The following PPP2R1B variants were observed in gnomAD, a reference collection of about 807,000 sequenced individuals.
The protein encoded by PPP2R1B is serine/threonine-protein phosphatase 2A 65 kDa regulatory subunit A beta isoform.
In PPP2R1B, 58 loss-of-function variants were observed where a neutral mutation model predicts 72.7. That is an observed-to-expected ratio of 0.80 (90% confidence interval 0.65 to 0.99). PPP2R1B has a LOEUF of 0.99. Among genes scored for constraint, PPP2R1B ranks in the 50% least tolerant of loss-of-function variants. The probability of loss-of-function intolerance (pLI) is 0.00; values close to 1 mark genes in which losing one functional copy is unlikely to be tolerated. For missense variants in PPP2R1B, 695 were observed against 733.6 expected (o/e 0.95, Z 0.61); for synonymous variants, 256 against 264.6 (o/e 0.97, Z 0.32).
At chr11:111,694,940 T>C in the PPP2R1B span, among the ~76,000 whole-genome samples, 1 of 152,236 alleles carries the variant, frequency 6.6e-6, no homozygotes, top group African/African-American at 2.4e-5. Context: ...TCATCTCAAC[T>C]GTGATGATTG....
At position 111,759,860 on chromosome 11, in the gene PPP2R1B, C is replaced by T. The variant is rs782660463; in HGVS notation, c.631G>A (p.Asp211Asn). The change falls in exon 5 of 15, where the codon GAC becomes AAC. Residue 211 changes from aspartate (D) to asparagine (N), a missense_variant. Transcript: ENST00000527614. Reference sequence around the variant, plus strand: ...GGAACAATTTCACTTTTCACACTGTCTAATTCCAAAACTTTTGCAAATTCA... The same window carrying T: ...GGAACAATTTCACTTTTCACACTGTTTAATTCCAAAACTTTTGCAAATTCA... ...LGEFAKVLEL[D>N]SVKSEIVPLF... is the part of the protein sequence containing the mutation. The T allele has an allele frequency of 6.2e-7, 1 of 1,614,182 alleles. No individual in the cohort carries two copies. The highest frequency in any genetic ancestry group is 8.5e-7 in the Non-Finnish European group (1 of 1,180,026).
At chr11:111,756,396 AC>A (rs782252395) in intron 5 of PPP2R1B, among the ~76,000 whole-genome samples, 21 of 152,082 alleles carry the variant, frequency 1.4e-4, no homozygotes, top group Middle Eastern at 3.4e-3. Flanking sequence ...GAAAAAAAAA[AC>A]ATTTTAATGA....
At chr11:111,761,720 A>ATC (rs1945335959) in intron 3 of PPP2R1B, among the ~76,000 whole-genome samples, 1 of 152,224 alleles carries the variant, frequency 6.6e-6, no homozygotes, top group Non-Finnish European at 1.5e-5. Flanking sequence ...AGCCGTCGGG[A>ATC]GGCCGAGGTG....
chr11:111,749,556 A>T (rs1944826583), intron 10 of PPP2R1B, among the ~76,000 whole-genome samples: 2 of 152,164 alleles, frequency 1.3e-5, no homozygotes, highest in African/African-American at 4.8e-5. Context: ...AAGTGCTGGG[A>T]TTACAAGCGT....
At chr11:111,730,905 C>G (rs1464840344) in intron 15 of PPP2R1B, 1 of 152,148 alleles carries the variant, frequency 6.6e-6, no homozygotes, top group East Asian at 1.9e-4. Flanking sequence ...TTTGCCTCAT[C>G]GGGCCTTGGG....
chr11:111,758,515 G>A (rs375222427), intron 5 of PPP2R1B, among the ~76,000 whole-genome samples: 105 of 152,198 alleles, frequency 6.9e-4, no homozygotes, highest in African/African-American at 2.2e-3. Context: ...GCTTGAACCC[G>A]GGAGGCAGAG....
At chr11:111,705,280 A>G in the PPP2R1B span, 19 of 824,074 alleles carry the variant, frequency 2.3e-5, no homozygotes, top group Non-Finnish European at 3.0e-5. This position sits in a 1 kb window ranked among gnomAD's most constrained non-coding sequence, Gnocchi z 4.3. Flanking sequence ...CATTCACTAG[A>G]TTCTCAAATG....
At chr11:111,743,571 G>A in intron 11 of PPP2R1B, 41 bp from the exon 12 acceptor site, 3 of 1,571,766 alleles carry the variant, frequency 1.9e-6, no homozygotes, top group Non-Finnish European at 2.6e-6. Flanking sequence ...ATCGCTTATT[G>A]TTTTTTAAGC....
At chr11:111,700,193 G>A in the PPP2R1B span, among the ~76,000 whole-genome samples, 1 of 152,182 alleles carries the variant, frequency 6.6e-6, no homozygotes, top group Non-Finnish European at 1.5e-5. Context: ...AAACTGTAGA[G>A]TCAGTATGGC....
At chr11:111,743,632 C>G in intron 11 of PPP2R1B, 102 bp from the exon 12 acceptor site, 6 of 1,353,146 alleles carry the variant, frequency 4.4e-6, no homozygotes, top group Non-Finnish European at 6.0e-6. Flanking sequence ...AAGCAAAACC[C>G]CTCTGCAATC....
intron 15 of PPP2R1B, chr11:111,730,529 A>ATGTT (rs1944152896): frequency 6.6e-6 from 1 of 152,196 alleles, no homozygotes; most frequent in African/African-American, 2.4e-5. Flanking sequence ...GTTTTGCTGG[A>ATGTT]TGTTTGGTCT....
intron 12 of PPP2R1B, among the ~76,000 whole-genome samples, chr11:111,742,950 G>A (rs529477652): frequency 6.6e-6 from 1 of 151,526 alleles, no homozygotes; most frequent in Non-Finnish European, 1.5e-5. Flanking sequence ...CGCGATCTCA[G>A]CTCACTGCAA....
downstream of PPP2R1B, among the ~76,000 whole-genome samples, chr11:111,723,110 C>T (rs970938807): frequency 6.6e-6 from 1 of 152,162 alleles, no homozygotes; most frequent in Admixed American, 6.5e-5. Flanking sequence ...CCCACAGCCT[C>T]GCTAGTAGAA....
At chr11:111,694,638 G>A in the PPP2R1B span, among the ~76,000 whole-genome samples, 1 of 152,114 alleles carries the variant, frequency 6.6e-6, no homozygotes, top group Non-Finnish European at 1.5e-5. Flanking sequence ...AATATTTATT[G>A]TAAGTCTTCC....
At chr11:111,758,598 A>G (rs1329017677) in intron 5 of PPP2R1B, among the ~76,000 whole-genome samples, 1 of 152,108 alleles carries the variant, frequency 6.6e-6, no homozygotes, top group African/African-American at 2.4e-5. Context: ...AAAAAAAGAA[A>G]AGAAAAGAAA....
chr11:111,729,531 T>C (rs371154365), intron 15 of PPP2R1B: 3 of 152,374 alleles, frequency 2.0e-5, no homozygotes, highest in South Asian at 4.1e-4. Context: ...CAGCTGGTGA[T>C]AGAAGGAGCT....
chr11:111,766,156 C>T, intron 1 of PPP2R1B, 92 bp downstream of exon 1: 1 of 1,270,640 alleles, frequency 7.9e-7, no homozygotes, highest in Non-Finnish European at 1.1e-6. Flanking sequence ...TCATTCAGTA[C>T]CTCGGCCACC....
chr11:111,765,513 T>G (rs1945493861), intron 1 of PPP2R1B, 129 bp from the exon 2 acceptor site: 8 of 774,456 alleles, frequency 1.0e-5, no homozygotes, highest in African/African-American at 1.8e-5. Context: ...CATTTAGATT[T>G]TACTGTTAAG....
At position 111,747,921 on chromosome 11, in the gene PPP2R1B, T is replaced by A. The variant is rs748189298; in HGVS notation, c.1399+33A>T. ...GAAATGTATGAAAATCATGGATATA[T>A]GGGCTTTCAATAATCTGTTTTTATC... On this transcript the variant is annotated intron_variant, in intron 11 of 14. Coordinates refer to ENST00000527614, the MANE Select transcript of PPP2R1B (RefSeq NM_002716.5). 4 of 1,565,164 alleles carry A rather than the reference T, an allele frequency of 2.6e-6. No individual in the cohort carries two copies. The South Asian group carries it at 4.5e-5, about 18-fold the overall frequency.
Sources: allele counts gnomAD v4.1 joint callset (sites outside exome capture counted in the v4.1 genomes callset), GRCh38; gene constraint gnomAD v4.1.1; non-coding constraint Gnocchi (gnomAD v3.1); transcripts MANE v1.5; gene names NCBI Gene and HGNC (gene_info 2026-07-23, HGNC 2026-07-21).